The following NETO1 variants were observed in gnomAD, a reference collection of about 807,000 sequenced individuals.
NETO1 encodes the protein neuropilin and tolloid-like protein 1.
A neutral mutation model predicts 61.3 loss-of-function variants in NETO1; 26 were observed. The observed-to-expected ratio is 0.42, with a 90% CI of 0.31 to 0.59. The LOEUF is 0.59. Ranked by LOEUF, NETO1 falls within the 20% of genes least tolerant of loss-of-function variation. NETO1 has a pLI of 0.12. For synonymous variants in NETO1, 225 were observed against 225.8 expected (o/e 1.00, Z 0.03); for missense variants, 531 against 662.8 (o/e 0.80, Z 2.18).
chr18:72,775,575 T>C (rs2071519272), intron 7 of NETO1, among the ~76,000 whole-genome samples: 1 of 152,184 alleles, frequency 6.6e-6, no homozygotes, highest in Admixed American at 6.5e-5. Flanking sequence ...TAAAATGCAG[T>C]GGATAGGACA....
intron 4 of NETO1, among the ~76,000 whole-genome samples, chr18:72,846,528 A>AAAAAAAAAAAAAAAAAAAAAAAAT (rs2074092599): frequency 6.7e-6 from 1 of 149,106 alleles, no homozygotes; most frequent in Non-Finnish European, 1.5e-5. Flanking sequence ...AAAAAAAAAA[A>AAAAAAAAAAAAAAAAAAAAAAAAT]AAAAAAGAAG....
intron 4 of NETO1, among the ~76,000 whole-genome samples, chr18:72,827,770 C>T (rs2073431503): frequency 1.3e-5 from 2 of 151,606 alleles, no homozygotes; most frequent in African/African-American, 4.8e-5. Flanking sequence ...GGAAATTGTC[C>T]TTGCTGTTTG....
chr18:72,786,391 T>A (rs2071919060), intron 6 of NETO1, among the ~76,000 whole-genome samples: 1 of 152,150 alleles, frequency 6.6e-6, no homozygotes, highest in Non-Finnish European at 1.5e-5. Context: ...ATCAGAGAAA[T>A]GTGGACAAAT....
intron 4 of NETO1, among the ~76,000 whole-genome samples, chr18:72,795,144 T>C (rs2072267057): frequency 6.6e-6 from 1 of 152,168 alleles, no homozygotes; most frequent in Non-Finnish European, 1.5e-5. Context: ...GTCTAAGATG[T>C]TTTCTAATGG....
In NETO1 at chr18:72,831,524, C is replaced by T. The variant is rs548629772; in HGVS notation, c.469+27302G>A. 3.0e-4 allele frequency among the ~76,000 whole-genome samples: 45 copies of T among 152,294 alleles called. 1 individual carries two copies. Among genetic ancestry groups the T allele is most frequent in the African/African-American group, 1.1e-3 (45 of 41,564 alleles). On this transcript the variant is annotated intron_variant, in intron 4 of 10. Transcript: ENST00000327305. ...ATCTCCCTGTGCATATTCAATGCTA[C>T]CACTAGTACTTTAATTCACCTGGAC...
intron 1 of NETO1, chr18:72,866,926 C>T (rs955949056): frequency 6.5e-6 from 3 of 462,416 alleles, no homozygotes; most frequent in African/African-American, 4.1e-5. Context: ...GTATCATCCG[C>T]GCTCTCCCGC....
rs1384378247 is a variant in NETO1, at chr18:72,780,222, T to C, written c.868+3456A>G. Among the ~76,000 whole-genome samples, 4 of 152,198 alleles carry C rather than the reference T, an allele frequency of 2.6e-5. No homozygotes were observed. In the East Asian group the frequency reaches 7.7e-4, roughly 29 times the overall value. ...ATGAGATGATCACAGAGAACGCTGT[T>C]GTAAAACTCATCATTTGAAGAGAGT... On this transcript the variant is annotated intron_variant, in intron 7 of 10. Transcript: ENST00000327305.
rs780552539 is a variant in NETO1 at position 72,864,831 on chromosome 18, C to T, written c.197G>A (p.Arg66Gln). The change falls in exon 3 of 11, where the codon CGG becomes CAG. Residue 66 changes from arginine (R) to glutamine (Q), a missense_variant. By Grantham distance (43) the Arg-to-Gln change is conservative. Coordinates refer to ENST00000327305, the MANE Select transcript of NETO1 (RefSeq NM_138966.5). ...ACCTTCTATGATGTAGATGCATTCCCGGTCAGGGGGATACTTGCTGGGATA... is the reference window on the plus strand; with the variant it reads ...ACCTTCTATGATGTAGATGCATTCCTGGTCAGGGGGATACTTGCTGGGATA... ...PNYPSKYPPD[R>Q]ECIYIIEAAP... is the part of the protein sequence containing the mutation. 77 of 1,613,422 alleles carry T rather than the reference C, an allele frequency of 4.8e-5. No individual in the cohort carries two copies. The Admixed American group carries it at 8.7e-4, about 18-fold the overall frequency.
chr18:72,776,880 C>A (rs2071565817), intron 7 of NETO1, among the ~76,000 whole-genome samples: 1 of 152,206 alleles, frequency 6.6e-6, no homozygotes, highest in Non-Finnish European at 1.5e-5. Context: ...CCCTAAAAGT[C>A]TTAACTTGTT....
intron 4 of NETO1, among the ~76,000 whole-genome samples, chr18:72,797,755 G>T (rs2072367281): frequency 6.6e-6 from 1 of 152,090 alleles, no homozygotes; most frequent in Admixed American, 6.6e-5. Flanking sequence ...TTGGTCCCTG[G>T]CTCCATGCTG....
chr18:72,781,172 A>G (rs1263663600), intron 7 of NETO1, among the ~76,000 whole-genome samples: 2 of 152,096 alleles, frequency 1.3e-5, no homozygotes, highest in African/African-American at 4.8e-5. Flanking sequence ...AAAATTACAG[A>G]TTTTTGTTAT....
chr18:72,782,153 T>A (rs969765579), intron 7 of NETO1, among the ~76,000 whole-genome samples: 2 of 152,208 alleles, frequency 1.3e-5, no homozygotes, highest in Non-Finnish European at 2.9e-5. Flanking sequence ...TCCAGCTCCA[T>A]CCATGTTGCT....
intron 7 of NETO1, among the ~76,000 whole-genome samples, chr18:72,772,523 C>G (rs1173356857): frequency 6.6e-6 from 1 of 151,810 alleles, no homozygotes; most frequent in African/African-American, 2.4e-5. Flanking sequence ...ATTCCCAACA[C>G]AGTGGTGGGA....
rs976658541 is a variant in NETO1 at position 72,864,494 on chromosome 18, T to C, written c.220+314A>G. Among the ~76,000 whole-genome samples, 3 of 152,238 alleles carry C rather than the reference T, an allele frequency of 2.0e-5. 1 individual carries two copies. Among genetic ancestry groups the C allele is most frequent in the African/African-American group, 2.4e-5 (1 of 41,466 alleles). On this transcript the variant is annotated intron_variant, in intron 3 of 10. Coordinates refer to ENST00000327305, the MANE Select transcript of NETO1 (RefSeq NM_138966.5). ...TGCTAGTTTCTCACACTTACACAGT[T>C]AATATTGTGCCAACTATGCGTCCAT...
At chr18:72,824,208 C>T (rs768327911) in intron 4 of NETO1, among the ~76,000 whole-genome samples, 48 of 152,180 alleles carry the variant, frequency 3.2e-4, no homozygotes, top group Non-Finnish European at 5.9e-5. Context: ...ATAGAGCTCC[C>T]AGAATTCCTA....
chr18:72,764,381 T>C (rs1436197725), intron 7 of NETO1, among the ~76,000 whole-genome samples: 2 of 152,160 alleles, frequency 1.3e-5, no homozygotes, highest in African/African-American at 4.8e-5. Context: ...GAATTCACAT[T>C]GAAGAGCAAA....
chr18:72,832,716 C>T lies in NETO1; in HGVS notation c.469+26110G>A, dbSNP rs533284808. Among the ~76,000 whole-genome samples, 88 of 152,276 alleles carry T rather than the reference C, an allele frequency of 5.8e-4. 1 individual carries two copies. The South Asian group carries it at 0.015, about 25-fold the overall frequency. Reference sequence around the variant, plus strand: ...TGCCTGCTGCTCTCATTTGTATAGGCTGCTATTAATGGACAGGCTGAAGTA... The same window carrying T: ...TGCCTGCTGCTCTCATTTGTATAGGTTGCTATTAATGGACAGGCTGAAGTA... On this transcript the variant is annotated intron_variant, in intron 4 of 10. Coordinates refer to ENST00000327305, the MANE Select transcript of NETO1 (RefSeq NM_138966.5).
At chr18:72,790,993 T>C (rs1158459810) in intron 6 of NETO1, among the ~76,000 whole-genome samples, 1 of 152,104 alleles carries the variant, frequency 6.6e-6, no homozygotes, top group East Asian at 1.9e-4. Context: ...GAGTATTTGC[T>C]CAGAGAGGCA....
intron 4 of NETO1, among the ~76,000 whole-genome samples, chr18:72,811,098 T>A (rs2145204164): frequency 6.6e-6 from 1 of 152,280 alleles, no homozygotes; most frequent in Non-Finnish European, 1.5e-5. Context: ...GCCATGGTGT[T>A]CTTTGTCACG....
Sources: allele counts gnomAD v4.1 joint callset (sites outside exome capture counted in the v4.1 genomes callset), GRCh38; gene constraint gnomAD v4.1.1; transcripts MANE v1.5; gene names NCBI Gene and HGNC (gene_info 2026-07-23, HGNC 2026-07-21).